SAMD5: variants seen among roughly 807,000 people sequenced by gnomAD.
The protein encoded by SAMD5 is sterile alpha motif domain containing 5.
A neutral mutation model predicts 11.3 loss-of-function variants in SAMD5; 13 were observed. That is an observed-to-expected ratio of 1.15 (90% CI 0.75 to 1.83). SAMD5 has a LOEUF of 1.83. Ranked by LOEUF, SAMD5 falls within the 40% of genes most tolerant of loss-of-function variation. The pLI is 0.00. For missense variants in SAMD5, 255 were observed against 239.1 expected, an observed-to-expected ratio of 1.07 and a Z score of -0.44; for synonymous variants, 129 against 111.3, an observed-to-expected ratio of 1.16 and a Z score of -1.00.
chr6:147,572,259 G>A (rs1789148099), downstream of SAMD5, among the ~76,000 whole-genome samples: 1 of 152,066 alleles, frequency 6.6e-6, no homozygotes, highest in South Asian at 2.1e-4. Context: ...AAGGATAGTG[G>A]CTTTCTCCCC....
the SAMD5 span, among the ~76,000 whole-genome samples, chr6:147,775,584 T>C: frequency 4.5e-4 from 69 of 152,352 alleles, no homozygotes; most frequent in East Asian, 9.4e-3. Context: ...CATATTCAAA[T>C]GGTCTGGAAA....
intron 1 of SAMD5, chr6:147,733,936 T>G (rs1791755810): frequency 6.4e-6 from 1 of 156,116 alleles, no homozygotes; most frequent in African/African-American, 2.4e-5. Context: ...AAATTGGAAC[T>G]AATCCTGTCC....
At chr6:147,607,894 G>A (rs1413453695) in intron 1 of SAMD5, among the ~76,000 whole-genome samples, 1 of 152,032 alleles carries the variant, frequency 6.6e-6, no homozygotes, top group Non-Finnish European at 1.5e-5. Flanking sequence ...ATCTGACAAG[G>A]GGTTAATAAC....
chr6:147,838,416 C>G, the SAMD5 span, among the ~76,000 whole-genome samples: 5 of 152,112 alleles, frequency 3.3e-5, no homozygotes, highest in African/African-American at 1.2e-4. Context: ...CCTTTGTCAC[C>G]TGTAAAATGG....
At chr6:147,941,512 G>A in the SAMD5 span, among the ~76,000 whole-genome samples, 2 of 152,122 alleles carry the variant, frequency 1.3e-5, no homozygotes, top group Non-Finnish European at 2.9e-5. Flanking sequence ...TCAGTTTATA[G>A]CCGAAGCACT....
At chr6:147,716,558 C>T (rs954978474) in intron 1 of SAMD5, among the ~76,000 whole-genome samples, 1 of 152,212 alleles carries the variant, frequency 6.6e-6, no homozygotes, top group Admixed American at 6.5e-5. Context: ...GCAGCCACAG[C>T]TGCACCCAGG....
the SAMD5 span, among the ~76,000 whole-genome samples, chr6:147,932,910 T>C: frequency 2.6e-5 from 4 of 152,158 alleles, no homozygotes; most frequent in Admixed American, 2.6e-4. Context: ...ATCATGATGA[T>C]TATGTAAAAA....
chr6:147,720,416 T>C (rs1791531378), intron 1 of SAMD5, among the ~76,000 whole-genome samples: 1 of 151,258 alleles, frequency 6.6e-6, no homozygotes, highest in Non-Finnish European at 1.5e-5. Flanking sequence ...TGAGCCGAGA[T>C]AGCGCCACTG....
the SAMD5 span, among the ~76,000 whole-genome samples, chr6:147,930,090 T>C: frequency 6.6e-6 from 1 of 152,138 alleles, no homozygotes; most frequent in Admixed American, 6.6e-5. Flanking sequence ...ATTATCCCTC[T>C]TAAGTTCAGC....
intron 1 of SAMD5, among the ~76,000 whole-genome samples, chr6:147,703,533 A>G (rs6914269): frequency 0.77 from 116,553 of 152,176 alleles, 45,425 homozygotes; most frequent in African/African-American, 0.9. Context: ...CAAAACCTCA[A>G]AGAATGGAAG....
rs565244362 is a variant in SAMD5, at chr6:147,641,059, C to A, written c.163-96258C>A. Among the ~76,000 whole-genome samples the A allele has an allele frequency of 2.6e-5, 4 of 152,240 alleles. No individual in the cohort carries two copies. The East Asian group carries it at 7.7e-4, about 29-fold the overall frequency. On this transcript the variant is annotated intron_variant, in intron 1 of 1. Transcript: ENST00000566741. ...TAAACCTGCTTTAACATCCAGTAGA[C>A]GTTAACAATGGTTGGACACTGATGG...
At chr6:147,608,358 T>C (rs1249042542) in intron 1 of SAMD5, among the ~76,000 whole-genome samples, 5 of 152,236 alleles carry the variant, frequency 3.3e-5, no homozygotes, top group African/African-American at 1.2e-4. Flanking sequence ...GTTGCAGCAC[T>C]TTTTACAACA....
At chr6:147,588,012 T>TCTC (rs1330231419) in intron 1 of SAMD5, among the ~76,000 whole-genome samples, 53 of 152,294 alleles carry the variant, frequency 3.5e-4, no homozygotes, top group African/African-American at 1.3e-3. Flanking sequence ...TAAATTTAGC[T>TCTC]CTCTATACAT....
At chr6:147,661,609 C>T (rs996513575) in intron 1 of SAMD5, among the ~76,000 whole-genome samples, 1 of 152,102 alleles carries the variant, frequency 6.6e-6, no homozygotes, top group South Asian at 2.1e-4. Context: ...ATCATTAAAA[C>T]CACTCTTTGT....
Position 147,565,248 on chromosome 6 carries a change from C to G in SAMD5, c.*792C>G. 4.1e-6 allele frequency: 4 copies of G among 985,778 alleles called. No homozygotes were observed. The highest frequency in any genetic ancestry group is 3.6e-6 in the Non-Finnish European group (3 of 829,870). 61.1% of individuals were successfully genotyped at this position (985,778 alleles called of 1,614,324 possible). ...GACTGCCAGGGCCGCAGCTCACAGC[C>G]TGTTCTGAGCTGCAGTGCTTTATCC... On this transcript the variant is annotated 3_prime_UTR_variant, in exon 2 of 2. Transcript: ENST00000367474.
intron 1 of SAMD5, among the ~76,000 whole-genome samples, chr6:147,682,347 G>A (rs1208891552): frequency 6.6e-6 from 1 of 152,212 alleles, no homozygotes; most frequent in Non-Finnish European, 1.5e-5. Context: ...TGCGGTACCT[G>A]TGATTGTATC....
intron 1 of SAMD5, among the ~76,000 whole-genome samples, chr6:147,687,375 C>T (rs1467917774): frequency 2.0e-5 from 3 of 150,128 alleles, no homozygotes; most frequent in African/African-American, 7.4e-5. Context: ...CCTGACCTCC[C>T]GGGTTCAAGT....
At chr6:147,700,776 G>A (rs1004048974) in intron 1 of SAMD5, among the ~76,000 whole-genome samples, 5 of 152,222 alleles carry the variant, frequency 3.3e-5, no homozygotes, top group Admixed American at 1.3e-4. Context: ...TAAAAAATTA[G>A]GAAGGATAAG....
chr6:147,694,874 G>A (rs1415589291), intron 1 of SAMD5, among the ~76,000 whole-genome samples: 2 of 152,038 alleles, frequency 1.3e-5, no homozygotes, highest in East Asian at 3.9e-4. Context: ...GTGATATTCT[G>A]GAAATTCTGA....
Sources: allele counts gnomAD v4.1 joint callset (sites outside exome capture counted in the v4.1 genomes callset), GRCh38; gene constraint gnomAD v4.1.1; transcripts MANE v1.5; gene names NCBI Gene and HGNC (gene_info 2026-07-23, HGNC 2026-07-21).